Variants in ABCA1 observed in about 807,000 individuals in gnomAD.
ABCA1 encodes the protein phospholipid-transporting ATPase ABCA1.
Under a neutral mutation model 262.5 loss-of-function variants are expected in ABCA1, and 133 were observed. The ratio of observed to expected loss-of-function variants is 0.51; its 90% CI spans 0.44 to 0.59. The LOEUF (loss-of-function observed/expected upper bound fraction) is 0.59. Ranked by LOEUF, ABCA1 falls within the 20% of genes least tolerant of loss-of-function variation. The probability of loss-of-function intolerance (pLI) is 0.00; values close to 1 mark genes in which losing one functional copy is unlikely to be tolerated. For synonymous variants in ABCA1, 1,022 were observed against 1,043.5 expected (o/e 0.98, Z 0.40); for missense variants, 2,452 against 2,777.5 (o/e 0.88, Z 2.63).
At chr9:104,882,043 A>AAAAAAAAAC (rs1838711904) in intron 5 of ABCA1, among the ~76,000 whole-genome samples, 2 of 149,898 alleles carry the variant, frequency 1.3e-5, no homozygotes, top group African/African-American at 2.4e-5. Flanking sequence ...AAAAAAAAAA[A>AAAAAAAAAC]AAAAAAAAAA....
chr9:104,792,497 G>A (rs566229311), intron 42 of ABCA1, among the ~76,000 whole-genome samples: 1 of 152,172 alleles, frequency 6.6e-6, no homozygotes, highest in Admixed American at 6.5e-5. Context: ...CTCTACCTCA[G>A]TTTTGACTAG....
At position 104,810,829 on chromosome 9, in the gene ABCA1, C is replaced by T; in HGVS notation, c.4146G>A (p.Trp1382Ter). 4 of 1,614,226 alleles carry T rather than the reference C, an allele frequency of 2.5e-6. No homozygotes were observed. The highest frequency in any genetic ancestry group is 3.4e-6 in the Non-Finnish European group (4 of 1,180,054). Residue 1382 changes from tryptophan to a stop codon, truncating the protein, a stop_gained, in exon 29 of 50, where the codon TGG becomes TGA. Coordinates refer to ENST00000374736, the MANE Select transcript of ABCA1 (RefSeq NM_005502.4). LOFTEE classifies it high-confidence loss of function. ...CAAATGTGTACTGTTCGTTGTACAT[C>T]CAGGGCTGAAGTTCCAGGCTGGGGT... is the stretch of plus-strand genomic sequence containing the variant. ...GKYPSLELQPWMYNEQYTFVS... is the reference protein window; with the variant it reads ...GKYPSLELQP
intron 11 of ABCA1, among the ~76,000 whole-genome samples, chr9:104,835,526 G>A (rs570014775): frequency 1.3e-3 from 205 of 152,262 alleles, no homozygotes; most frequent in Non-Finnish European, 2.3e-3. Context: ...GCCACTTGGA[G>A]AGCCTCCTCC....
Position 104,868,998 on chromosome 9 carries a change from AAG to A in ABCA1, c.422-7200_422-7199del, listed in dbSNP as rs1240342318. Among the ~76,000 whole-genome samples the A allele has an allele frequency of 2.6e-5, 4 of 151,146 alleles. No homozygotes were observed. The East Asian group carries it at 7.8e-4, about 30-fold the overall frequency. ...GAAGGTGGGAGGAGGGAGGAGAGGG[AAG>A]AGAGGGGTGAAGGAGCTTGGGGGAG... On this transcript the variant is annotated intron_variant, in intron 5 of 49. Transcript: ENST00000374736.
intron 1 of ABCA1, among the ~76,000 whole-genome samples, chr9:104,907,676 C>T (rs1276940567): frequency 1.3e-5 from 2 of 152,210 alleles, no homozygotes; most frequent in South Asian, 4.1e-4. Context: ...GACTGCTGAG[C>T]TTCCCAGGTG....
In ABCA1 at chr9:104,782,500, TTTCTCTC is replaced by T. The variant is rs1246683777; in HGVS notation, c.*1808_*1814del. 6.6e-6 allele frequency: 1 copy of T among 152,204 alleles called. No homozygotes were observed. Among genetic ancestry groups the T allele is most frequent in the African/African-American group, 2.4e-5 (1 of 41,464 alleles). The allele number at this position is 152,204 out of a possible 1,614,324, so 9.4% of individuals were successfully genotyped here. Reference sequence around the variant, plus strand: ...AACAATAGTTCTCTCATATTTTTCTTTTCTCTCAAGACAGTTAACAGTAAGTATTAGT... The same window carrying T: ...AACAATAGTTCTCTCATATTTTTCTTAAGACAGTTAACAGTAAGTATTAGT... On this transcript the variant is annotated 3_prime_UTR_variant, in exon 50 of 50. Transcript: ENST00000374736.
At chr9:104,836,897 C>G (rs1833860991) in intron 11 of ABCA1, 83 bp downstream of exon 11, 4 of 1,090,482 alleles carry the variant, frequency 3.7e-6, no homozygotes, top group Admixed American at 3.4e-5. Context: ...GAATTCTCAC[C>G]TCACTCACAC....
At chr9:104,866,885 T>C (rs953302663) in intron 5 of ABCA1, among the ~76,000 whole-genome samples, 12 of 152,300 alleles carry the variant, frequency 7.9e-5, no homozygotes, top group East Asian at 3.9e-4. Context: ...CCCAGAAGAA[T>C]AGAAATTCCT....
chr9:104,794,677 T>G lies in ABCA1; in HGVS notation c.5383-167A>C, dbSNP rs78268193. Among the ~76,000 whole-genome samples, 2,733 of 152,272 alleles carry G rather than the reference T, an allele frequency of 0.018. 84 individuals are homozygous for G. The highest frequency in any genetic ancestry group is 0.062 in the African/African-American group (2,559 of 41,546). On this transcript the variant is annotated intron_variant, in intron 39 of 49. Coordinates refer to ENST00000374736, the MANE Select transcript of ABCA1 (RefSeq NM_005502.4). ...CCTTTTAATTCAGATACCAATTAAA[T>G]AGCAGCAGGCATAGCTGATGATATG...
intron 5 of ABCA1, among the ~76,000 whole-genome samples, chr9:104,876,760 T>A (rs1361347933): frequency 1.3e-5 from 2 of 152,102 alleles, no homozygotes; most frequent in East Asian, 1.9e-4. Context: ...GAATGCCAGA[T>A]TCACCAGAGA....
At position 104,830,856 on chromosome 9, in the gene ABCA1, C is replaced by T. The variant is rs368203780; in HGVS notation, c.1892+69G>A. 1.0e-4 allele frequency: 162 copies of T among 1,552,216 alleles called. 3 individuals are homozygous for T. In the East Asian group the frequency reaches 1.7e-3, roughly 16 times the overall value. ...TCATTCACACATGCATGCACATGCA[C>T]ACACATATATACACCCCCATCTGGC... On this transcript the variant is annotated intron_variant, in intron 14 of 49. Transcript: ENST00000374736.
At position 104,785,429 on chromosome 9, in the gene ABCA1, T is replaced by G. The variant is rs760311331; in HGVS notation, c.6612A>C (p.Glu2204Asp). 6.2e-7 allele frequency: 1 copy of G among 1,614,096 alleles called. No individual in the cohort carries two copies. The highest frequency in any genetic ancestry group is 1.1e-5 in the South Asian group (1 of 91,082). Residue 2204 changes from glutamate to aspartate, a missense_variant, in exon 49 of 50, where the codon GAA becomes GAC. By Grantham distance (45) the Glu-to-Asp change is conservative (BLOSUM62 2). Transcript: ENST00000374736. Reference sequence around the variant, plus strand: ...GTGTTGTCTGAGAAACAGAGTAGTCTTCTATGTGGAGTCGCTTTTTGCTCT... The same window carrying G: ...GTGTTGTCTGAGAAACAGAGTAGTCGTCTATGTGGAGTCGCTTTTTGCTCT... Reference protein sequence around the residue: ...LSQSKKRLHIEDYSVSQTTLD... With the variant: ...LSQSKKRLHIDDYSVSQTTLD...
At chr9:104,866,756 A>G (rs560605313) in intron 5 of ABCA1, among the ~76,000 whole-genome samples, 2 of 152,226 alleles carry the variant, frequency 1.3e-5, no homozygotes, top group Non-Finnish European at 2.9e-5. Context: ...CCAAAGTGCT[A>G]GGATTAGAGG....
chr9:104,917,288 T>C (rs1841902118), intron 1 of ABCA1, among the ~76,000 whole-genome samples: 1 of 152,136 alleles, frequency 6.6e-6, no homozygotes, highest in South Asian at 2.1e-4. Flanking sequence ...AATATAATAA[T>C]AGGCAAGCTC....
At chr9:104,878,614 G>A (rs1838351137) in intron 5 of ABCA1, among the ~76,000 whole-genome samples, 1 of 152,136 alleles carries the variant, frequency 6.6e-6, no homozygotes. Flanking sequence ...ATTCCATATG[G>A]AGAGGGGCCA....
chr9:104,890,954 A>G (rs1266894960), intron 2 of ABCA1, among the ~76,000 whole-genome samples: 4 of 152,218 alleles, frequency 2.6e-5, no homozygotes, highest in Admixed American at 2.6e-4. Context: ...TGCATACATA[A>G]ATAATATTTT....
rs1464486206 is a variant in ABCA1 at position 104,793,197 on chromosome 9, G to A, written c.5610C>T (p.Ile1870=). The stretch of plus-strand genomic sequence containing the variant: ...TGGGCCTGATGAAGAATCTGTACTG[G>A]ATCAGAACAGTAATGAGGAAGAACA... ...GVVFFLITVL[I]QYRFFIRPRP... is the part of the protein sequence containing the mutation. The change falls in exon 41 of 50, where the codon ATC becomes ATT. Residue 1870 remains isoleucine, a synonymous_variant. Transcript: ENST00000374736. 6.2e-7 allele frequency: 1 copy of A among 1,614,072 alleles called. No homozygotes were observed. The highest frequency in any genetic ancestry group is 1.7e-5 in the Admixed American group (1 of 60,002).
chr9:104,830,832 C>A, intron 14 of ABCA1, 93 bp downstream of exon 14: 1 of 1,416,130 alleles, frequency 7.1e-7, no homozygotes, highest in South Asian at 1.2e-5. Context: ...ATTTCCAGAT[C>A]ATTCACACAT....
At chr9:104,790,818 A>G in intron 44 of ABCA1, 104 bp downstream of exon 44, 1 of 822,740 alleles carries the variant, frequency 1.2e-6, no homozygotes, top group Non-Finnish European at 2.1e-6. Flanking sequence ...CAACATTTTT[A>G]TGAACTCTAA....
Sources: gnomAD v4.1 joint callset for allele counts (sites outside exome capture counted in the v4.1 genomes callset) on GRCh38, gnomAD v4.1.1 for gene constraint, MANE v1.5 for transcripts, NCBI Gene and HGNC (gene_info 2026-07-23, HGNC 2026-07-21) for gene names.